The following CXCL13 variants were observed in gnomAD, a reference collection of about 807,000 sequenced individuals.
CXCL13 encodes the protein C-X-C motif chemokine ligand 13.
In CXCL13, 7 loss-of-function variants were observed where a neutral mutation model predicts 12.2. That is an observed-to-expected ratio of 0.57 (90% CI 0.33 to 1.07). The LOEUF (loss-of-function observed/expected upper bound fraction) is 1.07, where lower values mean the gene tolerates loss of function less well. CXCL13 is among the 50% of genes least tolerant of loss of function. CXCL13 has a pLI of 0.04. For missense variants in CXCL13, 113 were observed against 127.4 expected (o/e 0.89, Z 0.55); for synonymous variants, 47 against 42.4 (o/e 1.11, Z -0.42).
intron 1 of CXCL13, among the ~76,000 whole-genome samples, chr4:77,519,950 A>T (rs190440920): frequency 0.015 from 2,248 of 152,296 alleles, 22 homozygotes; most frequent in South Asian, 0.035. Flanking sequence ...CAGTTTTCCC[A>T]GCACCATTTA....
intron 1 of CXCL13, among the ~76,000 whole-genome samples, chr4:77,553,581 C>G (rs1725584378): frequency 6.6e-6 from 1 of 152,206 alleles, no homozygotes; most frequent in Non-Finnish European, 1.5e-5. Flanking sequence ...GAGATAGGCT[C>G]TCTGCCTCTC....
intron 1 of CXCL13, among the ~76,000 whole-genome samples, chr4:77,537,799 C>T (rs910635359): frequency 1.3e-5 from 2 of 152,066 alleles, no homozygotes; most frequent in African/African-American, 4.8e-5. Context: ...GGTCTGACTC[C>T]ACTCTATGGA....
rs199748032 is a variant in CXCL13, at chr4:77,610,966, T to C, written c.279-22T>C. The C allele has an allele frequency of 5.1e-5, 81 of 1,603,060 alleles. No homozygotes were observed. In the East Asian group the frequency reaches 1.7e-3, roughly 34 times the overall value. On this transcript the variant is annotated intron_variant, in intron 3 of 3. Transcript: ENST00000682537. ...TGTGTTTCTCTAAACATGACAATTT[T>C]GTTTTTGTTTCTGCTTCACAGAAGA...
At chr4:77,543,535 G>A (rs1016181329) in intron 1 of CXCL13, among the ~76,000 whole-genome samples, 10 of 152,026 alleles carry the variant, frequency 6.6e-5, no homozygotes, top group African/African-American at 2.4e-4. Context: ...CTGTATCCCA[G>A]AGATTTTCAT....
At chr4:77,525,781 C>T (rs551290663) in intron 1 of CXCL13, among the ~76,000 whole-genome samples, 1 of 152,232 alleles carries the variant, frequency 6.6e-6, no homozygotes, top group East Asian at 1.9e-4. Flanking sequence ...AGAAACTATG[C>T]TGCAAGCACA....
intron 1 of CXCL13, among the ~76,000 whole-genome samples, chr4:77,531,540 G>T (rs1724917369): frequency 6.6e-6 from 1 of 152,056 alleles, no homozygotes; most frequent in Non-Finnish European, 1.5e-5. Flanking sequence ...GGGATGGAGA[G>T]TTCTGTAGGT....
intron 1 of CXCL13, among the ~76,000 whole-genome samples, chr4:77,573,561 T>A (rs1410416705): frequency 6.6e-6 from 1 of 151,916 alleles, no homozygotes; most frequent in Non-Finnish European, 1.5e-5. Context: ...AAATTTAAGG[T>A]TACTAAAAAT....
intron 1 of CXCL13, among the ~76,000 whole-genome samples, chr4:77,524,657 CCT>C (rs149333877): frequency 0.026 from 3,928 of 152,294 alleles, 171 homozygotes; most frequent in African/African-American, 0.09. Flanking sequence ...AGGGAAATCC[CCT>C]GTCCCCTTGC....
chr4:77,570,221 T>C (rs1726036359), intron 1 of CXCL13, among the ~76,000 whole-genome samples: 1 of 152,290 alleles, frequency 6.6e-6, no homozygotes, highest in South Asian at 2.1e-4. Context: ...GGATTTCATG[T>C]TGAAGATGCC....
At chr4:77,565,050 TCTA>T (rs1490002830) in intron 1 of CXCL13, among the ~76,000 whole-genome samples, 1 of 152,200 alleles carries the variant, frequency 6.6e-6, no homozygotes, top group Non-Finnish European at 1.5e-5. Context: ...TTCAAACTGT[TCTA>T]CTGATCCCTT....
chr4:77,516,409 A>T (rs1350584512), intron 1 of CXCL13, among the ~76,000 whole-genome samples: 1 of 152,222 alleles, frequency 6.6e-6, no homozygotes, highest in Non-Finnish European at 1.5e-5. Flanking sequence ...TACCTCTGGT[A>T]GAATTCGGCT....
At chr4:77,542,309 A>C (rs993129996) in intron 1 of CXCL13, among the ~76,000 whole-genome samples, 1 of 152,116 alleles carries the variant, frequency 6.6e-6, no homozygotes, top group African/African-American at 2.4e-5. Flanking sequence ...GAATGCTTCC[A>C]GTTTTTGCTT....
chr4:77,608,540 G>A, intron 2 of CXCL13, among the ~76,000 whole-genome samples: 1 of 152,124 alleles, frequency 6.6e-6, no homozygotes, highest in Non-Finnish European at 1.5e-5. Context: ...GAAGTATTAG[G>A]CACAGCATCT....
chr4:77,536,301 A>G (rs575218644), intron 1 of CXCL13, among the ~76,000 whole-genome samples: 1 of 152,306 alleles, frequency 6.6e-6, no homozygotes, highest in East Asian at 1.9e-4. Context: ...ATAAATACCA[A>G]TCATTTAATC....
At chr4:77,586,144 T>C (rs1726451388) in intron 1 of CXCL13, among the ~76,000 whole-genome samples, 1 of 152,116 alleles carries the variant, frequency 6.6e-6, no homozygotes, top group African/African-American at 2.4e-5. Context: ...AAAGTCCTTT[T>C]CACATTTATC....
intron 1 of CXCL13, among the ~76,000 whole-genome samples, chr4:77,513,696 C>T (rs1234351113): frequency 6.6e-6 from 1 of 152,150 alleles, no homozygotes; most frequent in African/African-American, 2.4e-5. Context: ...TTGTGATCCA[C>T]CCAACTCAGC....
chr4:77,527,637 A>G (rs1724800633), intron 1 of CXCL13, among the ~76,000 whole-genome samples: 1 of 150,264 alleles, frequency 6.7e-6, no homozygotes, highest in Admixed American at 6.7e-5. Context: ...GTCTCAGATA[A>G]AAAAAAAAGA....
At chr4:77,586,874 G>A (rs1032466282) in intron 1 of CXCL13, among the ~76,000 whole-genome samples, 31 of 152,086 alleles carry the variant, frequency 2.0e-4, no homozygotes, top group African/African-American at 5.1e-4. Flanking sequence ...TTGAAAATTG[G>A]GCACAAATGA....
chr4:77,539,805 A>C (rs1468224707), intron 1 of CXCL13, among the ~76,000 whole-genome samples: 1 of 152,110 alleles, frequency 6.6e-6, no homozygotes, highest in Non-Finnish European at 1.5e-5. Flanking sequence ...CGAGACAGTT[A>C]ACAACCGCCT....
Sources: gnomAD v4.1 joint callset for allele counts (sites outside exome capture counted in the v4.1 genomes callset) on GRCh38, gnomAD v4.1.1 for gene constraint, MANE v1.5 for transcripts, NCBI Gene and HGNC (gene_info 2026-07-23, HGNC 2026-07-21) for gene names.